The following RIMBP2 variants were observed in gnomAD, a reference collection of about 807,000 sequenced individuals.
RIMBP2 encodes RIMS-binding protein 2.
Under a neutral mutation model 118.6 loss-of-function variants are expected in RIMBP2, and 48 were observed. The ratio of observed to expected loss-of-function variants is 0.40; its 90% CI spans 0.32 to 0.51. The LOEUF (loss-of-function observed/expected upper bound fraction) is 0.51. RIMBP2 is among the 20% of genes least tolerant of loss of function. The probability of loss-of-function intolerance (pLI) is 0.41; values close to 1 mark genes in which losing one functional copy is unlikely to be tolerated. For missense variants in RIMBP2, 1,551 were observed against 1,768.3 expected (o/e 0.88, Z 2.20); for synonymous variants, 762 against 742.9 (o/e 1.03, Z -0.42).
chr12:130,664,443 A>ACGCACG (rs1443250789), intron 1 of RIMBP2, among the ~76,000 whole-genome samples: 16 of 64,668 alleles, frequency 2.5e-4, no homozygotes, highest in Middle Eastern at 9.3e-3. Flanking sequence ...ATGCACGCAC[A>ACGCACG]CACGCACACA....
intron 4 of RIMBP2, among the ~76,000 whole-genome samples, chr12:130,481,242 C>T (rs1187314001): frequency 6.7e-6 from 1 of 149,582 alleles, no homozygotes; most frequent in African/African-American, 2.5e-5. Flanking sequence ...GCCAGTTTTC[C>T]AAAGGTAGCC....
At chr12:130,491,919 C>T (rs2048683273) in intron 4 of RIMBP2, among the ~76,000 whole-genome samples, 1 of 152,214 alleles carries the variant, frequency 6.6e-6, no homozygotes. Context: ...AAGCTGCCTA[C>T]AAATGTCAGG....
At chr12:130,707,923 A>AGAGAGG (rs1949618450) in intron 1 of RIMBP2, among the ~76,000 whole-genome samples, 2 of 152,094 alleles carry the variant, frequency 1.3e-5, no homozygotes, top group African/African-American at 4.8e-5. Context: ...GGGGATTGAG[A>AGAGAGG]GAGAGGGAGA....
Position 130,434,964 on chromosome 12 carries a change from G to A in RIMBP2, c.2107-84C>T, listed in dbSNP as rs2077404230. 1.4e-6 allele frequency: 2 copies of A among 1,425,268 alleles called. No individual in the cohort carries two copies. Among genetic ancestry groups the A allele is most frequent in the South Asian group, 1.4e-5 (1 of 72,960 alleles). The allele number at this position is 1,425,268 out of a possible 1,614,324, so 88.3% of individuals were successfully genotyped here. A position where few individuals can be genotyped will look rare whatever the true frequency, so the allele number is the denominator to read the frequency against. ...CCCACCTGCATTCACCAAACCTTCA[G>A]CCCCTCAGAGCCTGGCCAGGCACCC... On this transcript the variant is annotated intron_variant, in intron 13 of 22. Coordinates refer to ENST00000690449, the MANE Select transcript of RIMBP2 (RefSeq NM_001393629.1). The surrounding 1 kb of genome is among the most constrained non-coding windows in gnomAD (Gnocchi z 5.7).
intron 2 of RIMBP2, among the ~76,000 whole-genome samples, chr12:130,606,565 G>T (rs2060201087): frequency 6.6e-6 from 1 of 152,210 alleles, no homozygotes; most frequent in African/African-American, 2.4e-5. Flanking sequence ...GTATTCTGTG[G>T]AGTGTCTCTT....
intron 2 of RIMBP2, among the ~76,000 whole-genome samples, chr12:130,540,066 C>A (rs58079105): frequency 0.011 from 663 of 60,202 alleles, 4 homozygotes; most frequent in Middle Eastern, 0.033. Context: ...CAAATGCAGT[C>A]GATGAGGTGG....
In RIMBP2 at chr12:130,456,540, G is replaced by A. The variant is rs1225929009; in HGVS notation, c.314C>T (p.Pro105Leu). The A allele has an allele frequency of 6.2e-7, 1 of 1,609,004 alleles. No individual in the cohort carries two copies. The highest frequency in any genetic ancestry group is 1.7e-5 in the Admixed American group (1 of 59,876). ...TAGGCCATTCATGAACTGTGGGAAA[G>A]GCTTGCTGGGGGCCGTGGAGATGTC... ...PLDISTAPSK[P>L]FPQFMNGLAT... Residue 105 changes from proline to leucine, a missense_variant, in exon 7 of 23, where the codon CCT becomes CTT. Around this residue, in one of 5 missense-constraint regions of RIMBP2, gnomAD observed 239 missense variants for 256.8 expected, o/e 0.93. Transcript: ENST00000690449.
At chr12:130,680,267 G>T (rs1018711299) in intron 1 of RIMBP2, among the ~76,000 whole-genome samples, 10 of 152,318 alleles carry the variant, frequency 6.6e-5, no homozygotes, top group Middle Eastern at 3.4e-3. Flanking sequence ...TTCCTACAGG[G>T]ATTCTAACAT....
At chr12:130,460,152 G>A (rs993782602) in intron 6 of RIMBP2, among the ~76,000 whole-genome samples, 2 of 152,254 alleles carry the variant, frequency 1.3e-5, no homozygotes, top group East Asian at 3.9e-4. Context: ...CCCTGCACAG[G>A]GGCCGCTGTG....
At chr12:130,699,190 A>G (rs2065717439) in intron 1 of RIMBP2, among the ~76,000 whole-genome samples, 1 of 152,184 alleles carries the variant, frequency 6.6e-6, no homozygotes, top group Non-Finnish European at 1.5e-5. Context: ...GGGATCTAGA[A>G]CTAGAAATAC....
intron 1 of RIMBP2, among the ~76,000 whole-genome samples, chr12:130,676,272 C>T (rs1415050110): frequency 1.4e-5 from 2 of 146,552 alleles, no homozygotes; most frequent in East Asian, 4.0e-4. Context: ...TTCTTAACTG[C>T]CCAAAATTGG....
In RIMBP2 at chr12:130,451,267, C is replaced by A. The variant is rs765536239; in HGVS notation, c.432G>T (p.Arg144Ser). Reference protein sequence around the residue: ...YIRPLPQPGDRPEPLSAKPTF... With the variant: ...YIRPLPQPGDSPEPLSAKPTF... ...TGGGCTTGGCGGACAGAGGCTCCGG[C>A]CTGTCACCAGGCTGCGGAAGGGGCC... The change falls in exon 8 of 23, where the codon AGG (arginine) becomes AGT (serine). Residue 144 changes from arginine (R) to serine (S), a missense_variant. Arg to Ser is a moderately radical substitution (Grantham distance 110). This residue lies in a region of RIMBP2 where 239 missense variants were observed against 256.8 expected (regional missense o/e 0.93). Coordinates refer to ENST00000690449, the MANE Select transcript of RIMBP2 (RefSeq NM_001393629.1). 6.2e-7 allele frequency: 1 copy of A among 1,614,212 alleles called. No individual in the cohort carries two copies. The highest frequency in any genetic ancestry group is 8.5e-7 in the Non-Finnish European group (1 of 1,180,034).
Position 130,665,810 on chromosome 12 carries a change from C to A in RIMBP2, c.-351-37354G>T, listed in dbSNP as rs139530546. 7.2e-5 allele frequency among the ~76,000 whole-genome samples: 11 copies of A among 152,282 alleles called. No individual in the cohort carries two copies. In the East Asian group the frequency reaches 2.1e-3, roughly 29 times the overall value. Reference sequence around the variant, plus strand: ...TGGGGCAACTGAGACCATCTGACTGCAGACCCATCACGATACTGCAGCCAT... The same window carrying A: ...TGGGGCAACTGAGACCATCTGACTGAAGACCCATCACGATACTGCAGCCAT... On this transcript the variant is annotated intron_variant, in intron 1 of 22. Coordinates refer to ENST00000690449, the MANE Select transcript of RIMBP2 (RefSeq NM_001393629.1).
At chr12:130,426,599 A>G (rs2136831275) in intron 15 of RIMBP2, 1 of 152,278 alleles carries the variant, frequency 6.6e-6, no homozygotes, top group South Asian at 2.1e-4. Context: ...TTCTAAAACC[A>G]GACAACACCT....
chr12:130,487,193 C>G (rs2082563332), intron 4 of RIMBP2, among the ~76,000 whole-genome samples: 1 of 152,228 alleles, frequency 6.6e-6, no homozygotes, highest in African/African-American at 2.4e-5. Flanking sequence ...GTCCGACATG[C>G]TTGTCCCTGC....
At position 130,578,395 on chromosome 12, in the gene RIMBP2, G is replaced by C. The variant is rs2058234752; in HGVS notation, c.-217+49927C>G. Among the ~76,000 whole-genome samples the C allele has an allele frequency of 2.0e-5, 3 of 152,280 alleles. No homozygotes were observed. The South Asian group carries it at 6.2e-4, about 32-fold the overall frequency. ...GGCTCCCAGCTGCCAGCAGTACAAA[G>C]TGCAAACCTGCCTGACATCCAAGAC... On this transcript the variant is annotated intron_variant, in intron 2 of 22. Transcript: ENST00000690449. This position sits in a 1 kb window ranked among gnomAD's most constrained non-coding sequence, Gnocchi z 4.1.
intron 17 of RIMBP2, chr12:130,421,037 C>G (rs980905875): frequency 9.9e-5 from 15 of 152,226 alleles, no homozygotes; most frequent in East Asian, 9.6e-4. Flanking sequence ...ACCCTAACCA[C>G]AGAGAGAGAA....
At chr12:130,565,523 A>G (rs549122717) in intron 2 of RIMBP2, among the ~76,000 whole-genome samples, 54 of 152,330 alleles carry the variant, frequency 3.5e-4, no homozygotes, top group African/African-American at 1.3e-3. Context: ...CTATGTGTCA[A>G]TTAAGTGGAT....
At chr12:130,674,804 C>T (rs1284673022) in intron 1 of RIMBP2, among the ~76,000 whole-genome samples, 1 of 152,060 alleles carries the variant, frequency 6.6e-6, no homozygotes, top group African/African-American at 2.4e-5. Context: ...CATCAGCATG[C>T]TTTCCGTCTG....
Sources: gnomAD v4.1 joint callset for allele counts (sites outside exome capture counted in the v4.1 genomes callset) on GRCh38, gnomAD v4.1.1 for gene constraint, gnomAD v4.1.1 regional missense constraint, Gnocchi (gnomAD v3.1) non-coding constraint, MANE v1.5 for transcripts, NCBI Gene and HGNC (gene_info 2026-07-23, HGNC 2026-07-21) for gene names.